The following CYP2J2 variants were observed in gnomAD, a reference collection of about 807,000 sequenced individuals.
CYP2J2 encodes cytochrome P450 family 2 subfamily J member 2, also known as cytochrome P450 2J2.
In CYP2J2, 41 loss-of-function variants were observed where a neutral mutation model predicts 48.8. The observed-to-expected ratio is 0.84, with a 90% CI of 0.66 to 1.09. The LOEUF is 1.09. Ranked by LOEUF, CYP2J2 falls within the 50% of genes least tolerant of loss-of-function variation. The pLI is 0.00. For synonymous variants in CYP2J2, 221 were observed against 227.1 expected (o/e 0.97, Z 0.24); for missense variants, 644 against 617.3 (o/e 1.04, Z -0.46).
At chr1:59,910,259 T>C (rs968772741) in intron 4 of CYP2J2, among the ~76,000 whole-genome samples, 8 of 152,214 alleles carry the variant, frequency 5.3e-5, no homozygotes, top group Admixed American at 4.6e-4. Context: ...ATTAAATAAC[T>C]ATTGTTCATA....
At chr1:59,938,599 A>C in the CYP2J2 span, among the ~76,000 whole-genome samples, 5,332 of 152,248 alleles carry the variant, frequency 0.035, 88 homozygotes, top group African/African-American at 0.043. Flanking sequence ...CCTATCTCAG[A>C]ATTGAACAAA....
the CYP2J2 span, among the ~76,000 whole-genome samples, chr1:59,939,842 A>C: frequency 6.6e-6 from 1 of 152,142 alleles, no homozygotes; most frequent in Non-Finnish European, 1.5e-5. Flanking sequence ...GAAGAGCCTT[A>C]TCCCATGGCC....
At position 59,926,617 on chromosome 1, in the gene CYP2J2, G is replaced by C. The variant is rs1268111352; in HGVS notation, c.130C>G (p.Pro44Ala). The change falls in exon 1 of 9, where the codon CCG becomes GCG. Residue 44 changes from proline to alanine, a missense_variant. Physicochemically the swap from Pro to Ala is conservative, Grantham distance 27. Transcript: ENST00000371204. ...FLKRRRPKNY[P>A]PGPWRLPFLG... ...AAGGGCAGGCGCCAGGGCCCCGGCG[G>C]GTAGTTCTTTGGGCGCCGTCTTTTG... 1 of 1,614,250 alleles carries C rather than the reference G, an allele frequency of 6.2e-7. No homozygotes were observed. Among genetic ancestry groups the C allele is most frequent in the South Asian group, 1.1e-5 (1 of 91,090 alleles).
chr1:59,894,557 C>T (rs1288742147), intron 8 of CYP2J2, among the ~76,000 whole-genome samples: 1 of 152,148 alleles, frequency 6.6e-6, no homozygotes, highest in East Asian at 1.9e-4. Context: ...TCAGCTTCTC[C>T]CACCTCCTAA....
chr1:59,897,191 C>A (rs2102102767), intron 8 of CYP2J2, among the ~76,000 whole-genome samples: 1 of 152,272 alleles, frequency 6.6e-6, no homozygotes, highest in East Asian at 1.9e-4. Context: ...GTACAATTAG[C>A]AACATGCTAA....
rs146020050 is a variant in CYP2J2 at position 59,907,850 on chromosome 1, G to A, written c.939C>T (p.Thr313=). Residue 313 remains threonine, a synonymous_variant, in exon 6 of 9, where the codon ACC becomes ACT. Transcript: ENST00000371204. ...ATCGCAGAGTTGTGGAAGTTGTCTC[G>A]GTTCCGGCAAAGAAGAGGTCCAGGG... is the stretch of plus-strand genomic sequence containing the variant. ...CSTLDLFFAG[T]ETTSTTLRWA... 5.6e-6 allele frequency: 9 copies of A among 1,613,924 alleles called. No individual in the cohort carries two copies. Among genetic ancestry groups the A allele is most frequent in the South Asian group, 3.3e-5 (3 of 91,064 alleles).
chr1:59,959,937 G>A, the CYP2J2 span, among the ~76,000 whole-genome samples: 4 of 152,096 alleles, frequency 2.6e-5, no homozygotes, highest in African/African-American at 4.8e-5. Context: ...ACTACACACT[G>A]GGTACAGTGT....
At chr1:59,901,384 T>G (rs1286364779) in intron 7 of CYP2J2, among the ~76,000 whole-genome samples, 1 of 152,164 alleles carries the variant, frequency 6.6e-6, no homozygotes, top group African/African-American at 2.4e-5. Flanking sequence ...CAGGTCAGTT[T>G]CAGTAGGGCT....
At position 59,921,558 on chromosome 1, in the gene CYP2J2, T is replaced by C. The variant is rs11572216; in HGVS notation, c.210+4979A>G. On this transcript the variant is annotated intron_variant, in intron 1 of 8. Coordinates refer to ENST00000371204, the MANE Select transcript of CYP2J2 (RefSeq NM_000775.4). ...GGGGCACCTGTTCACATGGATAAGA[T>C]AGGGTTATAAACGCCCTTATCTTGC... Among the ~76,000 whole-genome samples, 1,416 of 152,144 alleles carry C rather than the reference T, an allele frequency of 9.3e-3. 20 individuals carry two copies. The highest frequency in any genetic ancestry group is 0.032 in the African/African-American group (1,327 of 41,552).
chr1:59,966,744 T>G, the CYP2J2 span, among the ~76,000 whole-genome samples: 2 of 152,168 alleles, frequency 1.3e-5, no homozygotes, highest in Non-Finnish European at 2.9e-5. Flanking sequence ...CAGAGGAAGA[T>G]GAACGTTATC....
rs145841132 is a variant in CYP2J2, at chr1:59,901,065, C to T, written c.1230G>A (p.Arg410=). 4.2e-5 allele frequency: 68 copies of T among 1,614,038 alleles called. No homozygotes were observed. The highest frequency in any genetic ancestry group is 3.3e-5 in the Admixed American group (2 of 60,018). ...MILTNLTALH[R]DPTEWATPDT... Reference sequence around the variant, plus strand: ...CAGGGGTGGCCCACTCTGTGGGGTCCCTGTGCAGCGCCGTCAAATTGGTCA... The same window carrying T: ...CAGGGGTGGCCCACTCTGTGGGGTCTCTGTGCAGCGCCGTCAAATTGGTCA... The change falls in exon 8 of 9, where the codon AGG becomes AGA. Residue 410 remains arginine, a synonymous_variant. Coordinates refer to ENST00000371204, the MANE Select transcript of CYP2J2 (RefSeq NM_000775.4).
At chr1:59,956,455 G>A in the CYP2J2 span, among the ~76,000 whole-genome samples, 19 of 152,064 alleles carry the variant, frequency 1.2e-4, no homozygotes, top group Non-Finnish European at 1.2e-4. Context: ...ATTTTAGAAG[G>A]AGAAGAGGAC....
the CYP2J2 span, among the ~76,000 whole-genome samples, chr1:59,953,685 A>G: frequency 1.3e-5 from 2 of 152,078 alleles, no homozygotes; most frequent in African/African-American, 4.8e-5. Context: ...AGGCCACGTG[A>G]GGGTATTAGA....
At chr1:59,924,343 T>C (rs185456821) in intron 1 of CYP2J2, among the ~76,000 whole-genome samples, 8 of 152,230 alleles carry the variant, frequency 5.3e-5, no homozygotes, top group Admixed American at 4.6e-4. Context: ...GATAAGCTTG[T>C]AACATCAGAA....
At position 59,902,722 on chromosome 1, in the gene CYP2J2, G is replaced by A. The variant is rs72925824; in HGVS notation, c.1192-1619C>T. ...GAGCCACCATGCCCGGCCAATAATT[G>A]CTATTTTAAGCACTTTCTGTACTAA... On this transcript the variant is annotated intron_variant, in intron 7 of 8. Transcript: ENST00000371204. Among the ~76,000 whole-genome samples, 610 of 152,230 alleles carry A rather than the reference G, an allele frequency of 4.0e-3. 3 individuals are homozygous for A. Among genetic ancestry groups the A allele is most frequent in the African/African-American group, 0.014 (573 of 41,534 alleles).
chr1:59,968,935 T>A, the CYP2J2 span, among the ~76,000 whole-genome samples: 1 of 152,082 alleles, frequency 6.6e-6, no homozygotes, highest in African/African-American at 2.4e-5. Context: ...ATGTTCGGGG[T>A]TTCTTCCTTC....
At chr1:59,900,569 G>T (rs1644310264) in intron 8 of CYP2J2, among the ~76,000 whole-genome samples, 1 of 152,204 alleles carries the variant, frequency 6.6e-6, no homozygotes, top group East Asian at 1.9e-4. Context: ...GGGAGGTGGA[G>T]GTTGCAGTGA....
upstream of CYP2J2, among the ~76,000 whole-genome samples, chr1:59,929,066 A>G (rs1020101197): frequency 6.6e-6 from 1 of 152,242 alleles, no homozygotes; most frequent in Non-Finnish European, 1.5e-5. Flanking sequence ...TGTGTGTAAT[A>G]CCAACAGGGG....
chr1:59,958,298 T>C, the CYP2J2 span, among the ~76,000 whole-genome samples: 1 of 152,188 alleles, frequency 6.6e-6, no homozygotes, highest in Non-Finnish European at 1.5e-5. Context: ...GCCCCAATCC[T>C]TCCACTGTGC....
Sources: gnomAD v4.1 joint callset for allele counts (sites outside exome capture counted in the v4.1 genomes callset) on GRCh38, gnomAD v4.1.1 for gene constraint, MANE v1.5 for transcripts, NCBI Gene and HGNC (gene_info 2026-07-23, HGNC 2026-07-21) for gene names.